Variants in NPY observed in about 807,000 individuals in gnomAD.
NPY encodes pro-neuropeptide Y.
A neutral mutation model predicts 13.2 loss-of-function variants in NPY; 11 were observed. The observed-to-expected ratio is 0.83, with a 90% CI of 0.52 to 1.38. The LOEUF (loss-of-function observed/expected upper bound fraction) is 1.38, where lower values mean the gene tolerates loss of function less well. Among genes scored for constraint, NPY ranks in the 40% most tolerant of loss-of-function variants. The pLI, the probability that NPY is intolerant of heterozygous loss-of-function variation, is 0.00. For missense variants in NPY, 109 were observed against 125.1 expected (o/e 0.87, Z 0.61); for synonymous variants, 51 against 55.6 (o/e 0.92, Z 0.37).
intron 2 of NPY, among the ~76,000 whole-genome samples, chr7:24,288,700 AAAAAAAAAAGAAC>A (rs1239355267): frequency 2.6e-5 from 4 of 151,718 alleles, no homozygotes; most frequent in African/African-American, 9.7e-5. Context: ...AAAAAAAAAA[AAAAAAAAAAGAAC>A]ATTTCCATGG....
intron 2 of NPY, among the ~76,000 whole-genome samples, chr7:24,288,017 A>T (rs1184726095): frequency 6.6e-6 from 1 of 152,180 alleles, no homozygotes; most frequent in Non-Finnish European, 1.5e-5. Flanking sequence ...AGCATTGTAG[A>T]GGGGAAGGAT....
At chr7:24,290,775 A>AATTATAATTATTATTATTATT (rs1554351561) in intron 3 of NPY, among the ~76,000 whole-genome samples, 2 of 129,638 alleles carry the variant, frequency 1.5e-5, no homozygotes, top group Non-Finnish European at 3.2e-5. Context: ...TAATAATAAT[A>AATTATAATTATTATTATTATT]ATTATTATTA....
In NPY at chr7:24,285,382, T is replaced by C; in HGVS notation, c.142T>C (p.Tyr48His). Residue 48 changes from tyrosine (Y) to histidine (H), a missense_variant, in exon 2 of 4, where the codon TAC becomes CAC. By Grantham distance (83) the Tyr-to-His change is moderately conservative. Coordinates refer to ENST00000242152, the MANE Select transcript of NPY (RefSeq NM_000905.4). The surrounding 1 kb of genome is among the most constrained non-coding windows in gnomAD (Gnocchi z 4.9). ...CGCACCAGCGGAGGACATGGCCAGATACTACTCGGCGCTGCGACACTACAT... is the reference window on the plus strand; with the variant it reads ...CGCACCAGCGGAGGACATGGCCAGACACTACTCGGCGCTGCGACACTACAT... Reference protein sequence around the residue: ...EDAPAEDMARYYSALRHYINL... With the variant: ...EDAPAEDMARHYSALRHYINL... 1 of 1,613,974 alleles carries C rather than the reference T, an allele frequency of 6.2e-7. No homozygotes were observed. The highest frequency in any genetic ancestry group is 8.5e-7 in the Non-Finnish European group (1 of 1,180,020).
intron 3 of NPY, among the ~76,000 whole-genome samples, chr7:24,290,469 G>A (rs1787559181): frequency 6.6e-6 from 1 of 152,118 alleles, no homozygotes; most frequent in Non-Finnish European, 1.5e-5. Context: ...CACTTGCTCA[G>A]TGAGTGTGAC....
In NPY at chr7:24,285,214, C is replaced by G. The variant is rs1312867275; in HGVS notation, c.1-27C>G. The G allele has an allele frequency of 3.1e-6, 5 of 1,613,182 alleles. No homozygotes were observed. The highest frequency in any genetic ancestry group is 3.4e-6 in the Non-Finnish European group (4 of 1,179,352). ...CGTGGGTGCTCTGAATCCCCAAGCC[C>G]GTCCGTTGAGCCTTCTGTGCCTGCA... On this transcript the variant is annotated intron_variant, in intron 1 of 3. Transcript: ENST00000242152. This position sits in a 1 kb window ranked among gnomAD's most constrained non-coding sequence, Gnocchi z 4.9.
At position 24,285,653 on chromosome 7, in the gene NPY, G is replaced by T. The variant is rs1787337672; in HGVS notation, c.188+225G>T. On this transcript the variant is annotated intron_variant, in intron 2 of 3. Coordinates refer to ENST00000242152, the MANE Select transcript of NPY (RefSeq NM_000905.4). This position sits in a 1 kb window ranked among gnomAD's most constrained non-coding sequence, Gnocchi z 4.9. Reference sequence around the variant, plus strand: ...TACAGTCACAGAGTCGTGATCCCCAGATTCAGGTTCCCCAGGCTGGTAGGC... The same window carrying T: ...TACAGTCACAGAGTCGTGATCCCCATATTCAGGTTCCCCAGGCTGGTAGGC... Among the ~76,000 whole-genome samples the T allele has an allele frequency of 6.6e-6, 1 of 152,076 alleles. No individual in the cohort carries two copies. The highest frequency in any genetic ancestry group is 2.4e-5 in the African/African-American group (1 of 41,402).
At chr7:24,290,112 T>C (rs1787546223) in intron 3 of NPY, among the ~76,000 whole-genome samples, 1 of 152,206 alleles carries the variant, frequency 6.6e-6, no homozygotes, top group Non-Finnish European at 1.5e-5. Context: ...TAGTGATTTA[T>C]TACATTCAAC....
intron 2 of NPY, among the ~76,000 whole-genome samples, chr7:24,287,315 T>A (rs913982060): frequency 6.6e-6 from 1 of 152,220 alleles, no homozygotes; most frequent in East Asian, 1.9e-4. Context: ...AGGCTCTTAA[T>A]GTACGTCCAT....
chr7:24,291,716 T>C lies in NPY; in HGVS notation c.*29T>C. On this transcript the variant is annotated 3_prime_UTR_variant, in exon 4 of 4. Transcript: ENST00000242152. ...GAAATGAGACTTGCTCTCTGGCCTT[T>C]TCCTATTTTCAGCCCATATTTCATC... 1 of 1,613,938 alleles carries C rather than the reference T, an allele frequency of 6.2e-7. No homozygotes were observed. Among genetic ancestry groups the C allele is most frequent in the Non-Finnish European group, 8.5e-7 (1 of 1,179,828 alleles).
In NPY at chr7:24,291,798, T is replaced by A. The variant is rs79843953; in HGVS notation, c.*111T>A. On this transcript the variant is annotated 3_prime_UTR_variant, in exon 4 of 4. Transcript: ENST00000242152. ...TGCATGCAGCCACTGTGCTGAATTC[T>A]GCAATGTTTTCCTTTGTCATCATTG... 9,803 of 1,207,004 alleles carry A rather than the reference T, an allele frequency of 8.1e-3. 58 individuals carry two copies. Among genetic ancestry groups the A allele is most frequent in the Non-Finnish European group, 9.5e-3 (7,791 of 820,242 alleles). 74.8% of individuals were successfully genotyped at this position (1,207,004 alleles called of 1,614,324 possible). A position where few individuals can be genotyped will look rare whatever the true frequency, so the allele number is the denominator to read the frequency against.
In NPY at chr7:24,285,445, GA is replaced by G. The variant is rs2128231924; in HGVS notation, c.188+18del. On this transcript the variant is annotated intron_variant, in intron 2 of 3. Transcript: ENST00000242152. The surrounding 1 kb of genome is among the most constrained non-coding windows in gnomAD (Gnocchi z 4.9). ...CAGGCAGAGGTGGGTGGGACCGCGG[GA>G]CCGATTCCGGGAGCGCCAGTGCCTG... 6.2e-7 allele frequency: 1 copy of G among 1,604,762 alleles called. No homozygotes were observed. The highest frequency in any genetic ancestry group is 1.1e-5 in the South Asian group (1 of 90,542).
At chr7:24,287,947 T>G (rs1319803354) in intron 2 of NPY, among the ~76,000 whole-genome samples, 1 of 152,210 alleles carries the variant, frequency 6.6e-6, no homozygotes, top group African/African-American at 2.4e-5. Flanking sequence ...CCCCAGGTGA[T>G]TCTAATGTGC....
At chr7:24,284,547 A>G (rs1396750161) in intron 1 of NPY, among the ~76,000 whole-genome samples, 4 of 152,138 alleles carry the variant, frequency 2.6e-5, no homozygotes, top group Admixed American at 6.5e-5. Flanking sequence ...TTTAGCAGAT[A>G]TGGAGGGAGA....
In NPY at chr7:24,291,680, T is replaced by C. The variant is rs201695450; in HGVS notation, c.287T>C (p.Met96Thr). The change falls in exon 4 of 4, where the codon ATG (methionine) becomes ACG (threonine). Residue 96 changes from methionine to threonine, a missense_variant. Physicochemically the swap from Met to Thr is moderately conservative, Grantham distance 81 (BLOSUM62 -1). Transcript: ENST00000242152. ...VPRTRLEDPA[M>T]W ...TTTTACAGGCTTGAAGACCCTGCAA[T>C]GTGGTGATGGGAAATGAGACTTGCT... The C allele has an allele frequency of 3.3e-4, 531 of 1,614,002 alleles. No individual in the cohort carries two copies. Among genetic ancestry groups the C allele is most frequent in the Non-Finnish European group, 4.3e-4 (505 of 1,180,002 alleles).
chr7:24,291,377 G>A (rs530116720), intron 3 of NPY, among the ~76,000 whole-genome samples: 1 of 152,184 alleles, frequency 6.6e-6, no homozygotes, highest in Non-Finnish European at 1.5e-5. Flanking sequence ...AAAGATCGGG[G>A]TGTTCTTCGG....
At chr7:24,289,627 C>A in intron 3 of NPY, 48 bp downstream of exon 3, 1 of 1,483,488 alleles carries the variant, frequency 6.7e-7, no homozygotes. Flanking sequence ...CTCAAGGTGC[C>A]CAGGGGAGGG....
At position 24,285,559 on chromosome 7, in the gene NPY, G is replaced by C; in HGVS notation, c.188+131G>C. The C allele has an allele frequency of 1.1e-6, 1 of 900,736 alleles. No individual in the cohort carries two copies. The allele number at this position is 900,736 out of a possible 1,614,324, so 55.8% of individuals were successfully genotyped here. ...AGGGCAGGACAGTATCAGGCACTTAGTCAGCTCTAGGTAAATGTTTGTACA... is the reference window on the plus strand; with the variant it reads ...AGGGCAGGACAGTATCAGGCACTTACTCAGCTCTAGGTAAATGTTTGTACA... On this transcript the variant is annotated intron_variant, in intron 2 of 3. Transcript: ENST00000242152. The surrounding 1 kb of genome is among the most constrained non-coding windows in gnomAD (Gnocchi z 4.9).
In NPY at chr7:24,284,971, C is replaced by T. The variant is rs1233701251; in HGVS notation, c.1-270C>T. The stretch of plus-strand genomic sequence containing the variant: ...ACTGGCGGGGCCCCCACCTTGCACT[C>T]TCGCCGCGCGCTTCTTGGTCCCTGA... On this transcript the variant is annotated intron_variant, in intron 1 of 3. Transcript: ENST00000242152. 5 of 549,844 alleles carry T rather than the reference C, an allele frequency of 9.1e-6. No individual in the cohort carries two copies. The Admixed American group carries it at 1.3e-4, about 14-fold the overall frequency. The allele number at this position is 549,844 out of a possible 1,614,324, so 34.1% of individuals were successfully genotyped here.
intron 2 of NPY, among the ~76,000 whole-genome samples, chr7:24,286,270 G>C (rs1294120965): frequency 6.6e-6 from 1 of 152,010 alleles, no homozygotes. Context: ...ACAATTAAGG[G>C]AAAAATCAAA....
Sources: gnomAD v4.1 joint callset for allele counts (sites outside exome capture counted in the v4.1 genomes callset) on GRCh38, gnomAD v4.1.1 for gene constraint, Gnocchi (gnomAD v3.1) non-coding constraint, MANE v1.5 for transcripts, NCBI Gene and HGNC (gene_info 2026-07-23, HGNC 2026-07-21) for gene names.